The following ARHGAP27 variants were observed in gnomAD, a reference collection of about 807,000 sequenced individuals.
ARHGAP27 encodes the protein Rho GTPase activating protein 27.
ARHGAP27 carries 53 observed loss-of-function variants against 102.0 expected under a neutral mutation model. That is an observed-to-expected ratio of 0.52 (90% confidence interval 0.42 to 0.65). ARHGAP27 has a LOEUF of 0.65. ARHGAP27 is among the 30% of genes least tolerant of loss of function. ARHGAP27 has a pLI of 0.00. For synonymous variants in ARHGAP27, 525 were observed against 542.8 expected (o/e 0.97, Z 0.46); for missense variants, 1,117 against 1,256.2 (o/e 0.89, Z 1.68).
chr17:45,410,478 G>T, intron 4 of ARHGAP27: 49 of 1,127,026 alleles, frequency 4.3e-5, no homozygotes, highest in African/African-American at 4.9e-5. Flanking sequence ...GGGTGGGGTG[G>T]AGGGGCCTCA....
intron 12 of ARHGAP27, among the ~76,000 whole-genome samples, chr17:45,399,037 G>A (rs2046099498): frequency 2.0e-5 from 3 of 152,148 alleles, no homozygotes. Flanking sequence ...TGCCACCATA[G>A]GACTGACGCT....
intron 11 of ARHGAP27, 87 bp from the exon 12 acceptor site, chr17:45,402,905 A>G: frequency 8.4e-7 from 1 of 1,185,990 alleles, no homozygotes; most frequent in South Asian, 1.3e-5. Flanking sequence ...GGATGGGGTC[A>G]CTGGCATGGC....
intron 12 of ARHGAP27, among the ~76,000 whole-genome samples, chr17:45,398,412 A>G (rs2046000625): frequency 6.6e-6 from 1 of 152,198 alleles, no homozygotes; most frequent in Non-Finnish European, 1.5e-5. Context: ...CCTCATGCAG[A>G]GCACTGGCCT....
chr17:45,400,820 C>T (rs2046349369), intron 12 of ARHGAP27, among the ~76,000 whole-genome samples: 1 of 151,978 alleles, frequency 6.6e-6, no homozygotes, highest in South Asian at 2.1e-4. Context: ...GACGCTGAGG[C>T]AGGAGACTCA....
intron 4 of ARHGAP27, among the ~76,000 whole-genome samples, chr17:45,414,022 C>T (rs1410426469): frequency 1.3e-5 from 2 of 151,946 alleles, no homozygotes; most frequent in Non-Finnish European, 2.9e-5. Flanking sequence ...AAGAGAATTG[C>T]CTGAACCTGG....
intron 4 of ARHGAP27, among the ~76,000 whole-genome samples, chr17:45,426,912 G>A (rs1237872328): frequency 3.3e-5 from 5 of 152,030 alleles, no homozygotes; most frequent in Non-Finnish European, 4.4e-5. Context: ...CTTCCTGTGC[G>A]TCCTTCTTCT....
chr17:45,429,609 G>T lies in ARHGAP27; in HGVS notation c.657+14C>A. 2 of 1,575,178 alleles carry T rather than the reference G, an allele frequency of 1.3e-6. No individual in the cohort carries two copies. The highest frequency in any genetic ancestry group is 8.6e-7 in the Non-Finnish European group (1 of 1,160,712). ...GCGCCACCCGCCTCCGCGCCCCAGC[G>T]CCCGGGGAGGTACCTGCTCTGCGCT... On this transcript the variant is annotated intron_variant, in intron 4 of 19. Coordinates refer to ENST00000685559, the MANE Select transcript of ARHGAP27 (RefSeq NM_001282290.2).
At position 45,405,093 on chromosome 17, in the gene ARHGAP27, T is replaced by A. The variant is rs779992882; in HGVS notation, c.1079A>T (p.Glu360Val). ...GGTCAGCGACTCGGGGTAGTCCGTCTCGGGAGTGGGGGGCTGCGGGGAACA... is the reference window on the plus strand; with the variant it reads ...GGTCAGCGACTCGGGGTAGTCCGTCACGGGAGTGGGGGGCTGCGGGGAACA... Reference protein sequence around the residue: ...SPGDPRPPTPETDYPESLTSY... With the variant: ...SPGDPRPPTPVTDYPESLTSY... The change falls in exon 6 of 20, where the codon GAG becomes GTG. Residue 360 changes from glutamate to valine, a missense_variant. This residue lies in a region of ARHGAP27 where 610 missense variants were observed against 716.4 expected (regional missense o/e 0.85). Transcript: ENST00000685559. 1 of 1,584,730 alleles carries A rather than the reference T, an allele frequency of 6.3e-7. No individual in the cohort carries two copies. The highest frequency in any genetic ancestry group is 1.3e-5 in the African/African-American group (1 of 74,442).
rs935147101 is a variant in ARHGAP27 at position 45,396,696 on chromosome 17, C to G, written c.2046G>C (p.Gln682His). ...TGATGTAGCCCTTCTCCCGCAGCGACTGCAGTGTGGGCCGCCTCTGGAGGA... is the reference window on the plus strand; with the variant it reads ...TGATGTAGCCCTTCTCCCGCAGCGAGTGCAGTGTGGGCCGCCTCTGGAGGA... The part of the protein sequence containing the change: ...RKFLQRRPTL[Q>H]SLREKGYIKD... The change falls in exon 15 of 20, where the codon CAG becomes CAC. Residue 682 changes from glutamine (Q) to histidine (H), a missense_variant. This residue lies in a region of ARHGAP27 where 493 missense variants were observed against 505.5 expected (regional missense o/e 0.98). Coordinates refer to ENST00000685559, the MANE Select transcript of ARHGAP27 (RefSeq NM_001282290.2). 3.7e-6 allele frequency: 6 copies of G among 1,613,876 alleles called. No individual in the cohort carries two copies. In the Admixed American group the frequency reaches 1.0e-4, roughly 27 times the overall value.
intron 4 of ARHGAP27, among the ~76,000 whole-genome samples, chr17:45,406,798 C>A (rs113721892): frequency 6.6e-6 from 1 of 152,194 alleles, no homozygotes; most frequent in Non-Finnish European, 1.5e-5. Context: ...CCCCACCCCA[C>A]TCTCAGCCCA....
chr17:45,397,393 C>G, intron 13 of ARHGAP27: 1 of 824,356 alleles, frequency 1.2e-6, no homozygotes, highest in Non-Finnish European at 1.6e-6. Context: ...CAGCTGTGGC[C>G]GGAGCACTGC....
In ARHGAP27 at chr17:45,395,388, C is replaced by T; in HGVS notation, c.*68G>A. ...GGGTCCCAGAGAGAAGAAGGCCCGGCTGCGTGGCCTCCGCCGCCCAGCTTG... is the reference window on the plus strand; with the variant it reads ...GGGTCCCAGAGAGAAGAAGGCCCGGTTGCGTGGCCTCCGCCGCCCAGCTTG... On this transcript the variant is annotated 3_prime_UTR_variant, in exon 20 of 20. Coordinates refer to ENST00000685559, the MANE Select transcript of ARHGAP27 (RefSeq NM_001282290.2). 6.7e-7 allele frequency: 1 copy of T among 1,492,700 alleles called. No homozygotes were observed. The highest frequency in any genetic ancestry group is 9.0e-7 in the Non-Finnish European group (1 of 1,113,920). 92.5% of individuals were successfully genotyped at this position (1,492,700 alleles called of 1,614,324 possible). A position where few individuals can be genotyped will look rare whatever the true frequency, so the allele number is the denominator to read the frequency against.
intron 3 of ARHGAP27, among the ~76,000 whole-genome samples, chr17:45,431,233 G>A (rs1380612980): frequency 6.6e-6 from 1 of 152,230 alleles, no homozygotes; most frequent in East Asian, 1.9e-4. Flanking sequence ...CTCCCGCCCG[G>A]GCTTCGGGGT....
In ARHGAP27 at chr17:45,395,350, A is replaced by C. The variant is rs1343274698; in HGVS notation, c.*106T>G. 2 of 1,367,990 alleles carry C rather than the reference A, an allele frequency of 1.5e-6. No homozygotes were observed. Among genetic ancestry groups the C allele is most frequent in the African/African-American group, 1.5e-5 (1 of 68,340 alleles). 84.7% of individuals were successfully genotyped at this position (1,367,990 alleles called of 1,614,324 possible). ...GCAGAAGTCACACCGGCCTGCGGCTATGCGCTGGCGGAGGGTCCCAGAGAG... is the reference window on the plus strand; with the variant it reads ...GCAGAAGTCACACCGGCCTGCGGCTCTGCGCTGGCGGAGGGTCCCAGAGAG... On this transcript the variant is annotated 3_prime_UTR_variant, in exon 20 of 20. Coordinates refer to ENST00000685559, the MANE Select transcript of ARHGAP27 (RefSeq NM_001282290.2).
intron 2 of ARHGAP27, among the ~76,000 whole-genome samples, chr17:45,431,997 C>G (rs2050086877): frequency 1.3e-5 from 2 of 150,158 alleles, no homozygotes; most frequent in African/African-American, 4.9e-5. Flanking sequence ...CGCCTTCCCC[C>G]TCTATTCCCC....
chr17:45,429,472 G>A (rs974374689), intron 4 of ARHGAP27, 151 bp downstream of exon 4: 2 of 1,483,600 alleles, frequency 1.3e-6, no homozygotes, highest in Admixed American at 2.5e-5. Context: ...ACGTTTCGCG[G>A]TTGGGGAGAG....
Position 45,396,946 on chromosome 17 carries a change from C to T in ARHGAP27, c.1921G>A (p.Glu641Lys), listed in dbSNP as rs763469092. Residue 641 changes from glutamate to lysine, a missense_variant, in exon 14 of 20, where the codon GAG becomes AAG. Around this residue, in one of 3 missense-constraint regions of ARHGAP27, gnomAD observed 493 missense variants for 505.5 expected, o/e 0.98. Transcript: ENST00000685559. ...TTCGGTCGCGCGTCCTCCTCTTTCTCCTGCCAGCTTCCCAAGCGCTCGCTC... is the reference window on the plus strand; with the variant it reads ...TTCGGTCGCGCGTCCTCCTCTTTCTTCTGCCAGCTTCCCAAGCGCTCGCTC... ...GSSERLGSWQ[E>K]KEEDARPNAA... is the part of the protein sequence containing the mutation. The T allele has an allele frequency of 1.2e-6, 2 of 1,606,252 alleles. No homozygotes were observed. Among genetic ancestry groups the T allele is most frequent in the Non-Finnish European group, 1.7e-6 (2 of 1,179,964 alleles).
intron 4 of ARHGAP27, among the ~76,000 whole-genome samples, chr17:45,412,329 C>T (rs75324177): frequency 6.6e-6 from 1 of 152,226 alleles, no homozygotes; most frequent in African/African-American, 2.4e-5. Flanking sequence ...CCTCATGCCT[C>T]TGAGAGGCAC....
At position 45,395,822 on chromosome 17, in the gene ARHGAP27, C is replaced by T. The variant is rs1372685791; in HGVS notation, c.2414G>A (p.Arg805His). 6.2e-7 allele frequency: 1 copy of T among 1,602,926 alleles called. No homozygotes were observed. The highest frequency in any genetic ancestry group is 1.7e-5 in the Admixed American group (1 of 59,092). ...IKLQDQARRS[R>H]CVRDLVRSLP... ...CGAGCGCACCAAGTCACGCACACAG[C>T]GGCTGCGCCGGGCCTGGTCCTGCAA... Residue 805 changes from arginine to histidine, a missense_variant, in exon 19 of 20, where the codon CGC becomes CAC. This residue lies in a region of ARHGAP27 where 493 missense variants were observed against 505.5 expected (regional missense o/e 0.98). Transcript: ENST00000685559.
Sources: gnomAD v4.1 joint callset for allele counts (sites outside exome capture counted in the v4.1 genomes callset) on GRCh38, gnomAD v4.1.1 for gene constraint, gnomAD v4.1.1 regional missense constraint, MANE v1.5 for transcripts, NCBI Gene and HGNC (gene_info 2026-07-23, HGNC 2026-07-21) for gene names.